Variants in SCN2A observed in about 807,000 individuals in gnomAD.
SCN2A encodes the protein sodium voltage-gated channel alpha subunit 2.
Under a neutral mutation model 188.7 loss-of-function variants are expected in SCN2A, and 20 were observed. The observed-to-expected ratio is 0.11, with a 90% confidence interval of 0.07 to 0.15. The LOEUF (loss-of-function observed/expected upper bound fraction) is 0.15. Ranked by LOEUF, SCN2A falls within the 10% of genes least tolerant of loss-of-function variation. SCN2A has a pLI of 1.00. For synonymous variants in SCN2A, 804 were observed against 833.1 expected (o/e 0.97, Z 0.60); for missense variants, 1,278 against 2,445.0 (o/e 0.52, Z 10.07).
At chr2:165,332,376 A>G (rs1169105624) in intron 14 of SCN2A, among the ~76,000 whole-genome samples, 1 of 152,082 alleles carries the variant, frequency 6.6e-6, no homozygotes, top group Non-Finnish European at 1.5e-5. Context: ...ATTAAATGAT[A>G]AAGTTGGCAT....
chr2:165,315,785 T>C (rs1479482850), intron 11 of SCN2A, 27 bp downstream of exon 11: 1 of 1,603,236 alleles, frequency 6.2e-7, no homozygotes, highest in African/African-American at 1.3e-5. Flanking sequence ...ACATGAATTG[T>C]GTTCTCATAA....
chr2:165,350,750 T>G (rs1699866317), intron 16 of SCN2A, among the ~76,000 whole-genome samples: 2 of 151,206 alleles, frequency 1.3e-5, no homozygotes, highest in South Asian at 4.2e-4. Context: ...ATTACAGGCG[T>G]GAGCCACCGC....
chr2:165,251,286 G>A (rs1302855324), intron 1 of SCN2A, among the ~76,000 whole-genome samples: 1 of 152,048 alleles, frequency 6.6e-6, no homozygotes, highest in Non-Finnish European at 1.5e-5. Context: ...ATAATAGGTG[G>A]TAAGAACCAA....
chr2:165,345,588 C>T (rs548252331), intron 16 of SCN2A, among the ~76,000 whole-genome samples: 3 of 151,622 alleles, frequency 2.0e-5, no homozygotes, highest in East Asian at 1.9e-4. Flanking sequence ...TTCCTCCATC[C>T]GTTTTTTTTG....
At chr2:165,257,981 TTTGTTGTTG>T (rs142097858) in intron 1 of SCN2A, among the ~76,000 whole-genome samples, 8 of 151,572 alleles carry the variant, frequency 5.3e-5, no homozygotes, top group African/African-American at 7.3e-5. Flanking sequence ...TAATGGTGGT[TTTGTTGTTG>T]TTGTTGTTGT....
At chr2:165,303,712 G>A (rs1251795989) in intron 3 of SCN2A, among the ~76,000 whole-genome samples, 1 of 152,082 alleles carries the variant, frequency 6.6e-6, no homozygotes, top group Non-Finnish European at 1.5e-5. Context: ...TCTATTTAGA[G>A]ATACCTATCA....
intron 20 of SCN2A, chr2:165,372,519 T>A (rs1340053632): frequency 6.6e-6 from 1 of 152,124 alleles, no homozygotes; most frequent in Non-Finnish European, 1.5e-5. Context: ...GACATGTGTA[T>A]GTCCCCCGAC....
At chr2:165,291,436 C>CTCTTTCTTCCTT (rs1553563561) in intron 1 of SCN2A, among the ~76,000 whole-genome samples, 15 of 65,406 alleles carry the variant, frequency 2.3e-4, no homozygotes, top group Non-Finnish European at 2.5e-4. Context: ...GTCTTTCTTT[C>CTCTTTCTTCCTT]TCTTTCTTTC....
intron 14 of SCN2A, among the ~76,000 whole-genome samples, chr2:165,340,754 C>T (rs577249975): frequency 6.6e-5 from 10 of 152,092 alleles, no homozygotes; most frequent in Non-Finnish European, 1.5e-4. Flanking sequence ...GAGTAGCATC[C>T]AGGGAGGTGT....
chr2:165,252,865 G>C (rs1411564024), intron 1 of SCN2A, among the ~76,000 whole-genome samples: 1 of 151,794 alleles, frequency 6.6e-6, no homozygotes, highest in Non-Finnish European at 1.5e-5. Flanking sequence ...GGGGAGGGGG[G>C]GTGTGGCTGC....
chr2:165,320,186 G>A (rs1314921767), intron 11 of SCN2A: 2 of 152,250 alleles, frequency 1.3e-5, no homozygotes, highest in Non-Finnish European at 1.5e-5. Flanking sequence ...CAGCAGGGCA[G>A]TCAAATCTTA....
rs767084568 is a variant in SCN2A, at chr2:165,370,296, T to A, written c.3846T>A (p.Val1282=). ...GGTGCTGGCTAGACTTCCTGATTGT[T>A]GATGTGAGTATGCTGCACTTTGCTG... The part of the protein sequence containing the change: ...NAWCWLDFLI[V]DVSLVSLTAN... Residue 1282 remains valine (V), a synonymous_variant, in exon 20 of 27, where the codon GTT becomes GTA. Transcript: ENST00000375437. 6.2e-7 allele frequency: 1 copy of A among 1,614,142 alleles called. No individual in the cohort carries two copies. Among genetic ancestry groups the A allele is most frequent in the Admixed American group, 1.7e-5 (1 of 60,028 alleles).
chr2:165,267,904 A>G (rs1275676521), intron 1 of SCN2A: 1 of 151,976 alleles, frequency 6.6e-6, no homozygotes, highest in African/African-American at 2.4e-5. Flanking sequence ...GTGAAATAGC[A>G]CCTCACATTC....
chr2:165,308,318 T>C (rs78469166), intron 4 of SCN2A, among the ~76,000 whole-genome samples: 16,767 of 152,156 alleles, frequency 0.11, 1,019 homozygotes, highest in Middle Eastern at 0.22. Context: ...TAATGGTGCA[T>C]ATTTTATGAA....
chr2:165,315,440 T>C lies in SCN2A; in HGVS notation c.1384-31T>C, dbSNP rs371717387. On this transcript the variant is annotated intron_variant, in intron 10 of 26. Coordinates refer to ENST00000375437, the MANE Select transcript of SCN2A (RefSeq NM_001040142.2). ...ATGATAATTACTTTTTAAGTTTATATGCAACTTCCACATACTTTGCGCCCT... is the reference window on the plus strand; with the variant it reads ...ATGATAATTACTTTTTAAGTTTATACGCAACTTCCACATACTTTGCGCCCT... 8 of 1,613,010 alleles carry C rather than the reference T, an allele frequency of 5.0e-6. No individual in the cohort carries two copies. In the African/African-American group the frequency reaches 8.0e-5, roughly 16 times the overall value.
At chr2:165,361,871 G>C (rs1289798881) in intron 17 of SCN2A, among the ~76,000 whole-genome samples, 1 of 152,018 alleles carries the variant, frequency 6.6e-6, no homozygotes, top group African/African-American at 2.4e-5. Flanking sequence ...ATAATTGGCA[G>C]ACTGGTTTTA....
intron 11 of SCN2A, among the ~76,000 whole-genome samples, chr2:165,317,497 G>GCCTAAGTTTTGGCCAAAATTT (rs1446231118): frequency 1.3e-5 from 2 of 152,022 alleles, no homozygotes; most frequent in African/African-American, 4.8e-5. Flanking sequence ...GCCAAAATTT[G>GCCTAAGTTTTGGCCAAAATTT]CCTAAATTTT....
chr2:165,306,291 G>A (rs1057227033), intron 3 of SCN2A, among the ~76,000 whole-genome samples: 1 of 152,120 alleles, frequency 6.6e-6, no homozygotes, highest in Admixed American at 6.5e-5. Context: ...GAAAATACAG[G>A]ACTGTGTTGA....
rs1159560893 is a variant in SCN2A, at chr2:165,373,288, C to T, written c.3913C>T (p.Leu1305Phe). The T allele has an allele frequency of 1.2e-6, 2 of 1,613,322 alleles. No homozygotes were observed. Among genetic ancestry groups the T allele is most frequent in the East Asian group, 2.2e-5 (1 of 44,860 alleles). The change falls in exon 21 of 27, where the codon CTC becomes TTC. Residue 1305 changes from leucine (L) to phenylalanine (F), a missense_variant. This residue lies in a region of SCN2A where 39 missense variants were observed against 130.2 expected (regional missense o/e 0.30). Coordinates refer to ENST00000375437, the MANE Select transcript of SCN2A (RefSeq NM_001040142.2). ...CTCAGAACTTGGTGCCATCAAATCC[C>T]TCAGAACACTAAGAGCTCTGAGGCC... ...GYSELGAIKS[L>F]RTLRALRPLR...
Sources: gnomAD v4.1 joint callset for allele counts (sites outside exome capture counted in the v4.1 genomes callset) on GRCh38, gnomAD v4.1.1 for gene constraint, gnomAD v4.1.1 regional missense constraint, MANE v1.5 for transcripts, NCBI Gene and HGNC (gene_info 2026-07-23, HGNC 2026-07-21) for gene names.